Variants in ERC1 observed in about 807,000 individuals in gnomAD.
ERC1 encodes ELKS/RAB6-interacting/CAST family member 1.
A neutral mutation model predicts 132.0 loss-of-function variants in ERC1; 56 were observed. That is an observed-to-expected ratio of 0.42 (90% CI 0.34 to 0.53). The LOEUF is 0.53. Among genes scored for constraint, ERC1 ranks in the 20% least tolerant of loss-of-function variants. The pLI is 0.03. For missense variants in ERC1, 1,202 were observed against 1,349.9 expected, an observed-to-expected ratio of 0.89 and a Z score of 1.72; for synonymous variants, 478 against 476.1, an observed-to-expected ratio of 1.00 and a Z score of -0.05.
intron 8 of ERC1, among the ~76,000 whole-genome samples, chr12:1,166,180 C>T (rs1952409253): frequency 6.6e-6 from 1 of 152,114 alleles, no homozygotes; most frequent in Admixed American, 6.5e-5. Flanking sequence ...AACCACAGTT[C>T]CCATGTATTG....
intron 2 of ERC1, among the ~76,000 whole-genome samples, chr12:1,061,149 T>C (rs1053551086): frequency 1.3e-5 from 2 of 152,202 alleles, no homozygotes; most frequent in Non-Finnish European, 2.9e-5. Flanking sequence ...CCATTCCTTC[T>C]AGGTTTTCCA....
intron 17 of ERC1, among the ~76,000 whole-genome samples, chr12:1,436,583 ATTG>A (rs934051820): frequency 6.6e-6 from 1 of 152,182 alleles, no homozygotes; most frequent in Non-Finnish European, 1.5e-5. Flanking sequence ...CAACAAGCGT[ATTG>A]TTGTTTTTCA....
At chr12:1,225,013 A>G (rs1332519138) in intron 12 of ERC1, among the ~76,000 whole-genome samples, 2 of 152,016 alleles carry the variant, frequency 1.3e-5, no homozygotes, top group Non-Finnish European at 2.9e-5. Flanking sequence ...AAGAAAATGA[A>G]TTTTCAAAAA....
intron 1 of ERC1, among the ~76,000 whole-genome samples, chr12:1,015,628 A>G (rs1965397988): frequency 6.6e-6 from 1 of 152,164 alleles, no homozygotes; most frequent in East Asian, 1.9e-4. Context: ...ATTTTGATAG[A>G]TTGTGCCAAA....
chr12:1,418,156 T>C (rs1004893105), intron 17 of ERC1, among the ~76,000 whole-genome samples: 1 of 152,182 alleles, frequency 6.6e-6, no homozygotes, highest in Non-Finnish European at 1.5e-5. Flanking sequence ...TTAAAGACGT[T>C]ATTATGCCTT....
intron 8 of ERC1, among the ~76,000 whole-genome samples, chr12:1,175,788 G>C (rs2154268032): frequency 6.6e-6 from 1 of 152,224 alleles, no homozygotes; most frequent in African/African-American, 2.4e-5. Flanking sequence ...GCCTGCCTCG[G>C]CCTCCCAAAG....
At chr12:1,421,114 G>A (rs377290783) in intron 17 of ERC1, among the ~76,000 whole-genome samples, 1 of 152,038 alleles carries the variant, frequency 6.6e-6, no homozygotes, top group African/African-American at 2.4e-5. Context: ...CTTTGTGTTG[G>A]GAACATTTAA....
At chr12:1,475,865 T>C (rs947928867) in intron 18 of ERC1, among the ~76,000 whole-genome samples, 1 of 151,888 alleles carries the variant, frequency 6.6e-6, no homozygotes, top group African/African-American at 2.4e-5. Context: ...ATGTGGTGGC[T>C]CACACCTGTA....
At chr12:1,479,939 A>T (rs931469117) in intron 18 of ERC1, among the ~76,000 whole-genome samples, 6 of 152,182 alleles carry the variant, frequency 3.9e-5, no homozygotes, top group African/African-American at 9.7e-5. Context: ...GCCTGTCCTC[A>T]TCCACACCTC....
chr12:1,232,276 T>G (rs1373665241), intron 12 of ERC1, among the ~76,000 whole-genome samples: 1 of 152,224 alleles, frequency 6.6e-6, no homozygotes, highest in African/African-American at 2.4e-5. Context: ...AATTCAATTA[T>G]AATGTGTTTC....
rs570227434 is a variant in ERC1 at position 1,036,957 on chromosome 12, A to G, written c.669+8385A>G. ...TAATGTTCCTTTTGGGGAGTTAACAATCATTTCGAGAAGCAAAATTTGTAC... is the reference window on the plus strand; with the variant it reads ...TAATGTTCCTTTTGGGGAGTTAACAGTCATTTCGAGAAGCAAAATTTGTAC... On this transcript the variant is annotated intron_variant, in intron 2 of 18. Coordinates refer to ENST00000360905, the MANE Select transcript of ERC1 (RefSeq NM_178040.4). Among the ~76,000 whole-genome samples, 34 of 152,334 alleles carry G rather than the reference A, an allele frequency of 2.2e-4. 1 individual carries two copies. In the South Asian group the frequency reaches 2.7e-3, roughly 12 times the overall value.
At chr12:1,250,952 G>A (rs1179656246) in intron 13 of ERC1, among the ~76,000 whole-genome samples, 1 of 152,098 alleles carries the variant, frequency 6.6e-6, no homozygotes, top group Non-Finnish European at 1.5e-5. Context: ...TAAGAATAAA[G>A]TTCAAAGAAA....
chr12:1,137,100 C>CTTT lies in ERC1; in HGVS notation c.1570-4505_1570-4503dup, dbSNP rs944757047. 2.4e-4 allele frequency among the ~76,000 whole-genome samples: 29 copies of CTTT among 122,892 alleles called. 1 individual carries two copies. The highest frequency in any genetic ancestry group is 6.4e-4 in the African/African-American group (21 of 32,668). 80.6% of individuals were successfully genotyped at this position (122,892 alleles called of 152,430 possible). On this transcript the variant is annotated intron_variant, in intron 7 of 18. Coordinates refer to ENST00000360905, the MANE Select transcript of ERC1 (RefSeq NM_178040.4). ...TTCTTTTTCTTTCTTTTTTTCTTTT[C>CTTT]TTTTTTTTTTTTTTTTTGAGACAGA...
intron 1 of ERC1, among the ~76,000 whole-genome samples, chr12:1,006,513 G>C (rs1329395549): frequency 2.0e-5 from 3 of 152,074 alleles, no homozygotes; most frequent in African/African-American, 7.2e-5. Context: ...CTCCTGCATA[G>C]CTGGGACTAC....
intron 12 of ERC1, among the ~76,000 whole-genome samples, chr12:1,218,323 C>T (rs1419799522): frequency 6.6e-6 from 1 of 152,086 alleles, no homozygotes; most frequent in Non-Finnish European, 1.5e-5. Flanking sequence ...CATTATCCTT[C>T]TCCCTCCTTT....
At chr12:1,467,510 C>CCAA (rs1383764486) in intron 18 of ERC1, among the ~76,000 whole-genome samples, 4 of 152,136 alleles carry the variant, frequency 2.6e-5, no homozygotes, top group Non-Finnish European at 5.9e-5. Context: ...TTAGGATTCT[C>CCAA]CAACTTTAGG....
chr12:1,143,265 C>T (rs1268610005), intron 8 of ERC1, among the ~76,000 whole-genome samples: 1 of 151,588 alleles, frequency 6.6e-6, no homozygotes. Context: ...ACTCCTGGCC[C>T]TAAGCCATCT....
At chr12:1,070,002 T>G (rs542554921) in intron 2 of ERC1, among the ~76,000 whole-genome samples, 1 of 152,268 alleles carries the variant, frequency 6.6e-6, no homozygotes, top group Admixed American at 6.5e-5. Flanking sequence ...GTTGCAGAGA[T>G]AACCTTGTGC....
intron 2 of ERC1, among the ~76,000 whole-genome samples, chr12:1,034,513 A>G (rs1592834490): frequency 2.0e-5 from 3 of 152,340 alleles, no homozygotes; most frequent in South Asian, 4.1e-4. Context: ...CTACTTTTCA[A>G]GAATGGATTG....
Sources: allele counts gnomAD v4.1 joint callset (sites outside exome capture counted in the v4.1 genomes callset), GRCh38; gene constraint gnomAD v4.1.1; transcripts MANE v1.5; gene names NCBI Gene and HGNC (gene_info 2026-07-23, HGNC 2026-07-21).